Variants in FGD4 observed in about 807,000 individuals in gnomAD.
FGD4 encodes the protein FYVE, RhoGEF and PH domain containing 4.
FGD4 carries 42 observed loss-of-function variants against 102.0 expected under a neutral mutation model. That is an observed-to-expected ratio of 0.41 (90% CI 0.32 to 0.53). The LOEUF (loss-of-function observed/expected upper bound fraction) is 0.53, where lower values mean the gene tolerates loss of function less well. Among genes scored for constraint, FGD4 ranks in the 20% least tolerant of loss-of-function variants. FGD4 has a pLI of 0.21. For synonymous variants in FGD4, 380 were observed against 375.7 expected (o/e 1.01, Z -0.13); for missense variants, 902 against 1,078.2 (o/e 0.84, Z 2.29).
intron 1 of FGD4, among the ~76,000 whole-genome samples, chr12:32,503,921 G>GT (rs1423479800): frequency 1.3e-5 from 2 of 150,778 alleles, no homozygotes; most frequent in Non-Finnish European, 2.9e-5. Context: ...TCTGAAGTGT[G>GT]TGGCATCCGT....
At position 32,410,919 on chromosome 12, in the gene FGD4, T is replaced by C. The variant is rs1591846399; in HGVS notation, c.166+10960T>C. On this transcript the variant is annotated intron_variant, in intron 1 of 16. Transcript: ENST00000534526. ...AAAGCACAATGACTTTACAATGAAC[T>C]CTTTTTTTTTTCTTTTTTTTTTTTT... 4.7e-5 allele frequency among the ~76,000 whole-genome samples: 7 copies of C among 148,658 alleles called. No individual in the cohort carries two copies. In the South Asian group the frequency reaches 1.5e-3, roughly 32 times the overall value.
chr12:32,420,119 G>T (rs746862273), intron 1 of FGD4, among the ~76,000 whole-genome samples: 1 of 152,136 alleles, frequency 6.6e-6, no homozygotes, highest in East Asian at 1.9e-4. Context: ...GGGGGTGAGG[G>T]GGGTGACAAA....
At chr12:32,439,069 A>AT in intron 1 of FGD4, among the ~76,000 whole-genome samples, 1 of 152,302 alleles carries the variant, frequency 6.6e-6, no homozygotes, top group Admixed American at 6.5e-5. Flanking sequence ...TATTGAACTT[A>AT]TTCTTCCTAT....
At chr12:32,515,213 G>A (rs73094103) in intron 1 of FGD4, among the ~76,000 whole-genome samples, 27,834 of 152,162 alleles carry the variant, frequency 0.18, 3,122 homozygotes, top group Middle Eastern at 0.35. Context: ...ATACCACCTT[G>A]CTCCAGCTCC....
chr12:32,614,523 A>G (rs1352320025), intron 10 of FGD4, among the ~76,000 whole-genome samples: 1 of 152,224 alleles, frequency 6.6e-6, no homozygotes, highest in African/African-American at 2.4e-5. Context: ...CTTGGAGAAA[A>G]CTAGCAAAAG....
At chr12:32,570,589 G>A (rs1186889645) in intron 2 of FGD4, among the ~76,000 whole-genome samples, 3 of 151,980 alleles carry the variant, frequency 2.0e-5, no homozygotes, top group African/African-American at 7.3e-5. Flanking sequence ...TTACAGGCAT[G>A]TGCCACCACG....
chr12:32,597,788 CAA>C (rs1948030503), intron 4 of FGD4, among the ~76,000 whole-genome samples: 1 of 152,172 alleles, frequency 6.6e-6, no homozygotes, highest in South Asian at 2.1e-4. Flanking sequence ...GTAAATGAAA[CAA>C]GATTAACAAT....
rs750388388 is a variant in FGD4 at position 32,607,924 on chromosome 12, T to C, written c.1405-33T>C. 31 of 1,613,746 alleles carry C rather than the reference T, an allele frequency of 1.9e-5. No homozygotes were observed. In the Middle Eastern group the frequency reaches 6.6e-4, roughly 34 times the overall value. The stretch of plus-strand genomic sequence containing the variant: ...TTTTTAGACTTGCTAACCTAATTTT[T>C]AAATGTTTCTTAGAAAACCTTTCTC... On this transcript the variant is annotated intron_variant, in intron 7 of 16. Coordinates refer to ENST00000534526, the MANE Select transcript of FGD4 (RefSeq NM_001370298.3).
rs370158957 is a variant in FGD4 at position 32,529,271 on chromosome 12, C to T, written c.167-34866C>T. Among the ~76,000 whole-genome samples the T allele has an allele frequency of 1.8e-4, 27 of 151,962 alleles. 1 individual carries two copies. The East Asian group carries it at 4.9e-3, about 27-fold the overall frequency. On this transcript the variant is annotated intron_variant, in intron 1 of 16. Transcript: ENST00000534526. ...CTGGTACTACAGGCGTGCACCACCACGCGCACCACCACGCCCAGTTAATTT... is the reference window on the plus strand; with the variant it reads ...CTGGTACTACAGGCGTGCACCACCATGCGCACCACCACGCCCAGTTAATTT...
chr12:32,452,677 C>T (rs994144313), intron 1 of FGD4, among the ~76,000 whole-genome samples: 9 of 152,090 alleles, frequency 5.9e-5, no homozygotes, highest in African/African-American at 2.2e-4. Flanking sequence ...CTCTTAATAG[C>T]CAAGAGTGTA....
At chr12:32,612,697 A>C (rs1256681671) in intron 10 of FGD4, among the ~76,000 whole-genome samples, 1 of 152,100 alleles carries the variant, frequency 6.6e-6, no homozygotes, top group Non-Finnish European at 1.5e-5. Flanking sequence ...TTCTCTTCCT[A>C]ATCCTCTGTA....
chr12:32,455,154 C>T (rs565619901), intron 1 of FGD4, among the ~76,000 whole-genome samples: 12 of 152,290 alleles, frequency 7.9e-5, no homozygotes, highest in Middle Eastern at 3.4e-3. Context: ...GAAGTTTATT[C>T]ATCTCAGTAT....
At chr12:32,404,032 C>T (rs1720699962) in intron 1 of FGD4, among the ~76,000 whole-genome samples, 1 of 151,980 alleles carries the variant, frequency 6.6e-6, no homozygotes, top group South Asian at 2.1e-4. Flanking sequence ...AATGACTTTG[C>T]CTCTTGGGCA....
intron 1 of FGD4, among the ~76,000 whole-genome samples, chr12:32,531,783 T>C (rs1174120190): frequency 1.3e-5 from 2 of 152,236 alleles, no homozygotes; most frequent in Admixed American, 6.5e-5. Flanking sequence ...ACCTAAGAGT[T>C]AGGATTGCTG....
chr12:32,592,684 G>A lies in FGD4; in HGVS notation c.1012-5813G>A, dbSNP rs140116974. Among the ~76,000 whole-genome samples the A allele has an allele frequency of 2.4e-3, 358 of 152,072 alleles. 3 individuals are homozygous for A. The highest frequency in any genetic ancestry group is 8.2e-3 in the African/African-American group (341 of 41,482). On this transcript the variant is annotated intron_variant, in intron 4 of 16. Coordinates refer to ENST00000534526, the MANE Select transcript of FGD4 (RefSeq NM_001370298.3). Reference sequence around the variant, plus strand: ...TATGTAATTCTAATATAGTAATAAAGCCCCATGCATGCAAATAAATCATCT... The same window carrying A: ...TATGTAATTCTAATATAGTAATAAAACCCCATGCATGCAAATAAATCATCT...
Position 32,486,604 on chromosome 12 carries a change from C to A in FGD4, c.167-77533C>A, listed in dbSNP as rs1455705988. The stretch of plus-strand genomic sequence containing the variant: ...AACTTATTTGTGCACCTAATATTTT[C>A]TTGGTCATCAATTATTTGGGGATAA... On this transcript the variant is annotated intron_variant, in intron 1 of 16. Transcript: ENST00000534526. Among the ~76,000 whole-genome samples, 5 of 152,132 alleles carry A rather than the reference C, an allele frequency of 3.3e-5. No homozygotes were observed. The East Asian group carries it at 9.6e-4, about 29-fold the overall frequency.
Position 32,582,302 on chromosome 12 carries a change from C to T in FGD4, c.846C>T (p.Asp282=), listed in dbSNP as rs904582. 0.4 allele frequency: 649,604 copies of T among 1,613,920 alleles called. 135,666 individuals carry two copies. The highest frequency in any genetic ancestry group is 0.69 in the African/African-American group (51,567 of 74,964). The change falls in exon 4 of 17, where the codon GAC becomes GAT. Residue 282 remains aspartate, a synonymous_variant. Coordinates refer to ENST00000534526, the MANE Select transcript of FGD4 (RefSeq NM_001370298.3). ...CAGCTCCTGCATCACCCACAACAGA[C>T]AGCTGTGATGGAAATGCTTCTGACA... ...TATAPASPTT[D]SCDGNASDSS...
At chr12:32,600,481 C>T (rs2136638020) in intron 5 of FGD4, 2 of 1,277,752 alleles carry the variant, frequency 1.6e-6, no homozygotes, top group Non-Finnish European at 2.0e-6. Flanking sequence ...CCTCCTTCTG[C>T]CTACATGTAA....
rs531333534 is a variant in FGD4 at position 32,399,991 on chromosome 12, C to T, written c.166+32C>T. 4.4e-4 allele frequency: 623 copies of T among 1,428,866 alleles called. 7 individuals are homozygous for T. In the East Asian group the frequency reaches 0.013, roughly 30 times the overall value. The allele number at this position is 1,428,866 out of a possible 1,614,324, so 88.5% of individuals were successfully genotyped here. ...GCCTCGGGGCGCGGGGGAAGGGTGGCCCCGGCGCGTAGGTGCGGGTGAGGG... is the reference window on the plus strand; with the variant it reads ...GCCTCGGGGCGCGGGGGAAGGGTGGTCCCGGCGCGTAGGTGCGGGTGAGGG... On this transcript the variant is annotated intron_variant, in intron 1 of 16. Coordinates refer to ENST00000534526, the MANE Select transcript of FGD4 (RefSeq NM_001370298.3).
Sources: allele counts gnomAD v4.1 joint callset (sites outside exome capture counted in the v4.1 genomes callset), GRCh38; gene constraint gnomAD v4.1.1; transcripts MANE v1.5; gene names NCBI Gene and HGNC (gene_info 2026-07-23, HGNC 2026-07-21).